MYH14: variants seen among roughly 807,000 people sequenced by gnomAD.
MYH14 encodes the protein myosin heavy chain 14, also known as myosin-14.
Under a neutral mutation model 255.5 loss-of-function variants are expected in MYH14, and 123 were observed. The ratio of observed to expected loss-of-function variants is 0.48; its 90% CI spans 0.42 to 0.56. The LOEUF is 0.56. MYH14 is among the 20% of genes least tolerant of loss of function. The probability of loss-of-function intolerance (pLI) is 0.00; values close to 1 mark genes in which losing one functional copy is unlikely to be tolerated. For synonymous variants in MYH14, 1,095 were observed against 1,161.2 expected, an observed-to-expected ratio of 0.94 and a Z score of 1.16; for missense variants, 2,423 against 2,802.3, an observed-to-expected ratio of 0.86 and a Z score of 3.06.
At chr19:50,226,847 G>C in intron 7 of MYH14, 56 bp from the exon 8 acceptor site, 1 of 1,560,618 alleles carries the variant, frequency 6.4e-7, no homozygotes, top group South Asian at 1.1e-5. Context: ...TGTTGTTCAC[G>C]TGTGAGTGGG....
chr19:50,203,925 C>T (rs555693688), intron 1 of MYH14, among the ~76,000 whole-genome samples: 32 of 152,328 alleles, frequency 2.1e-4, no homozygotes, highest in African/African-American at 7.5e-4. Flanking sequence ...CGTTGTCAGC[C>T]CCGGGCCTGT....
chr19:50,275,166 T>C (rs2035458520), intron 27 of MYH14, among the ~76,000 whole-genome samples: 1 of 152,176 alleles, frequency 6.6e-6, no homozygotes, highest in South Asian at 2.1e-4. Flanking sequence ...CTTAAGTCAC[T>C]TGTTGGAGCA....
intron 2 of MYH14, among the ~76,000 whole-genome samples, chr19:50,215,472 T>C (rs1396401347): frequency 6.6e-6 from 1 of 152,160 alleles, no homozygotes; most frequent in Non-Finnish European, 1.5e-5. Context: ...CCAGGCAGCC[T>C]GTGGTGGCCA....
intron 1 of MYH14, among the ~76,000 whole-genome samples, chr19:50,209,780 T>G (rs2032051872): frequency 9.3e-6 from 1 of 107,582 alleles, no homozygotes; most frequent in Non-Finnish European, 1.8e-5. Flanking sequence ...TGAGACTCCA[T>G]CTCAAAAAAA....
At position 50,232,024 on chromosome 19, in the gene MYH14, G is replaced by A. The variant is rs374636809; in HGVS notation, c.1068G>A (p.Thr356=). The A allele has an allele frequency of 3.1e-5, 50 of 1,613,270 alleles. No individual in the cohort carries two copies. Among genetic ancestry groups the A allele is most frequent in the African/African-American group, 5.3e-5 (4 of 74,942 alleles). ...AGGAGCGGGAACTCTTCCAGGAGACGCTGGAGTCGCTGCGGGTCCTGGGAT... is the reference window on the plus strand; with the variant it reads ...AGGAGCGGGAACTCTTCCAGGAGACACTGGAGTCGCTGCGGGTCCTGGGAT... ...PGQERELFQE[T]LESLRVLGFS... is the part of the protein sequence containing the mutation. Residue 356 remains threonine (T), a synonymous_variant, in exon 10 of 43, where the codon ACG becomes ACA. Transcript: ENST00000642316.
At position 50,261,622 on chromosome 19, in the gene MYH14, TA is replaced by T; in HGVS notation, c.2573del (p.Tyr858SerfsTer17). 1 of 1,597,562 alleles carries T rather than the reference TA, an allele frequency of 6.3e-7. No individual in the cohort carries two copies. The highest frequency in any genetic ancestry group is 8.5e-7 in the Non-Finnish European group (1 of 1,173,186). The part of the protein sequence containing the change: ...IVSFQAAARG[Y>X]LARRAFQKRQ... ...CTCCTTCCAGGCAGCTGCCCGGGGATACCTGGCTCGCAGGTGGGCAGCCACG... is the reference window on the plus strand; with the variant it reads ...CTCCTTCCAGGCAGCTGCCCGGGGATCCTGGCTCGCAGGTGGGCAGCCACG... On this transcript the variant is annotated frameshift_variant, in exon 21 of 43. Coordinates refer to ENST00000642316, the MANE Select transcript of MYH14 (RefSeq NM_001145809.2). LOFTEE classifies it high-confidence loss of function.
At chr19:50,227,519 T>G (rs1432594416) in intron 8 of MYH14, among the ~76,000 whole-genome samples, 2 of 151,956 alleles carry the variant, frequency 1.3e-5, no homozygotes, top group Non-Finnish European at 2.9e-5. Context: ...AGGTGATCAG[T>G]GTAAACCACA....
At position 50,271,982 on chromosome 19, in the gene MYH14, C is replaced by A; in HGVS notation, c.3295+10C>A. Reference sequence around the variant, plus strand: ...ATCGCAGACATGGAGGGTGAGCTCCCGCCCAGCCAGTAGGGGTCTGTGTGT... The same window carrying A: ...ATCGCAGACATGGAGGGTGAGCTCCAGCCCAGCCAGTAGGGGTCTGTGTGT... On this transcript the variant is annotated intron_variant, in intron 26 of 42. Transcript: ENST00000642316. The A allele has an allele frequency of 6.2e-7, 1 of 1,605,894 alleles. No homozygotes were observed. Among genetic ancestry groups the A allele is most frequent in the South Asian group, 1.1e-5 (1 of 89,314 alleles).
rs1165005893 is a variant in MYH14, at chr19:50,280,080, C to G, written c.4076C>G (p.Ser1359Cys). The G allele has an allele frequency of 6.2e-7, 1 of 1,610,866 alleles. No homozygotes were observed. The highest frequency in any genetic ancestry group is 1.7e-5 in the Admixed American group (1 of 59,560). ...TCTGGGGCGCTGAACGAGGCTGAGT[C>G]CAAAACCATCCGTCTTAGCAAGGAG... ...NVSGALNEAE[S>C]KTIRLSKELS... The change falls in exon 31 of 43, where the codon TCC (serine) becomes TGC (cysteine). Residue 1359 changes from serine to cysteine, a missense_variant. Physicochemically the swap from Ser to Cys is moderately radical, Grantham distance 112 (BLOSUM62 -1). Around this residue, in one of 3 missense-constraint regions of MYH14, gnomAD observed 1,513 missense variants for 1,674.8 expected, o/e 0.90. Transcript: ENST00000642316. This position sits in a 1 kb window ranked among gnomAD's most constrained non-coding sequence, Gnocchi z 4.8.
In MYH14 at chr19:50,259,282, G is replaced by A. The variant is rs748262990; in HGVS notation, c.2354+17G>A. The A allele has an allele frequency of 4.5e-6, 7 of 1,558,458 alleles. No individual in the cohort carries two copies. Among genetic ancestry groups the A allele is most frequent in the South Asian group, 1.2e-5 (1 of 84,668 alleles). On this transcript the variant is annotated intron_variant, in intron 19 of 42. Transcript: ENST00000642316. The stretch of plus-strand genomic sequence containing the variant: ...CCGGCAGCGGTGAGCTAGAGCGAGG[G>A]CCCAGGCCCGGCGGAGGGGCTGGGT...
At chr19:50,208,050 A>T (rs1374305231) in intron 1 of MYH14, among the ~76,000 whole-genome samples, 1 of 152,070 alleles carries the variant, frequency 6.6e-6, no homozygotes, top group African/African-American at 2.4e-5. Flanking sequence ...CCTAATGAAA[A>T]CTTCAACATC....
At chr19:50,301,448 TAAGA>T (rs1242299966) in intron 39 of MYH14, among the ~76,000 whole-genome samples, 23 of 152,346 alleles carry the variant, frequency 1.5e-4, no homozygotes, top group African/African-American at 5.5e-4. Context: ...TCCAAAATGT[TAAGA>T]CCCAGGGCTG....
Position 50,286,469 on chromosome 19 carries a change from C to G in MYH14, c.4540-13C>G. On this transcript the variant is annotated splice_polypyrimidine_tract_variant and intron_variant, in intron 33 of 42. Transcript: ENST00000642316. ...ATCTATTTCCCCCTACCCCATCTCC[C>G]TCAAACTGGAAGCTTCTGGCAGAGG... is the stretch of plus-strand genomic sequence containing the variant. 6.2e-7 allele frequency: 1 copy of G among 1,608,706 alleles called. No individual in the cohort carries two copies. The highest frequency in any genetic ancestry group is 8.5e-7 in the Non-Finnish European group (1 of 1,176,776).
chr19:50,227,719 TA>T (rs2033177907), intron 8 of MYH14, among the ~76,000 whole-genome samples: 1 of 152,010 alleles, frequency 6.6e-6, no homozygotes, highest in Non-Finnish European at 1.5e-5. Flanking sequence ...AATTAAACAA[TA>T]AAACACAGGC....
chr19:50,309,383 T>C lies in MYH14; in HGVS notation c.5960+206T>C, dbSNP rs1288472188. 1.1e-5 allele frequency: 7 copies of C among 625,834 alleles called. No homozygotes were observed. The Admixed American group carries it at 1.9e-4, about 17-fold the overall frequency. 38.8% of individuals were successfully genotyped at this position (625,834 alleles called of 1,614,324 possible). A position where few individuals can be genotyped will look rare whatever the true frequency, so the allele number is the denominator to read the frequency against. On this transcript the variant is annotated intron_variant, in intron 42 of 42. Transcript: ENST00000642316. ...CACCCATTTCTCCCTGTCATCTCTG[T>C]GCCCTCCTTTCCCACCGTGCACCAC...
At position 50,250,782 on chromosome 19, in the gene MYH14, G is replaced by C; in HGVS notation, c.1830+94G>C. ...GGGGGAGGGTGCAGAGGGAAAACAGGGTCCTCCTGAGGTCCAGACAAACAG... is the reference window on the plus strand; with the variant it reads ...GGGGGAGGGTGCAGAGGGAAAACAGCGTCCTCCTGAGGTCCAGACAAACAG... On this transcript the variant is annotated intron_variant, in intron 15 of 42. Coordinates refer to ENST00000642316, the MANE Select transcript of MYH14 (RefSeq NM_001145809.2). The surrounding 1 kb of genome is among the most constrained non-coding windows in gnomAD (Gnocchi z 5.4). 1 of 1,346,440 alleles carries C rather than the reference G, an allele frequency of 7.4e-7. No individual in the cohort carries two copies. 83.4% of individuals were successfully genotyped at this position (1,346,440 alleles called of 1,614,324 possible).
intron 22 of MYH14, among the ~76,000 whole-genome samples, chr19:50,264,067 A>AAG (rs4002940): frequency 0.3 from 34,993 of 118,522 alleles, 5,591 homozygotes; most frequent in East Asian, 0.55. Flanking sequence ...AAAAAAAAAA[A>AAG]AAAAAAAAAG....
intron 20 of MYH14, 48 bp downstream of exon 20, chr19:50,260,763 G>GCA: frequency 7.6e-7 from 1 of 1,323,294 alleles, no homozygotes; most frequent in South Asian, 1.3e-5. Context: ...GTGTGTGTGC[G>GCA]TGCATGAGTG....
intron 39 of MYH14, among the ~76,000 whole-genome samples, chr19:50,294,397 CA>C (rs770498880): frequency 6.0e-5 from 9 of 151,130 alleles, no homozygotes; most frequent in Non-Finnish European, 1.0e-4. Flanking sequence ...TTTCCAAGGA[CA>C]AACCAATGTC....
Sources: gnomAD v4.1 joint callset for allele counts (sites outside exome capture counted in the v4.1 genomes callset) on GRCh38, gnomAD v4.1.1 for gene constraint, gnomAD v4.1.1 regional missense constraint, Gnocchi (gnomAD v3.1) non-coding constraint, MANE v1.5 for transcripts, NCBI Gene and HGNC (gene_info 2026-07-23, HGNC 2026-07-21) for gene names.